Variants in PRF1 observed in about 807,000 individuals in gnomAD.
The protein encoded by PRF1 is perforin 1.
In PRF1, 11 loss-of-function variants were observed where a neutral mutation model predicts 11.7. That is an observed-to-expected ratio of 0.94 (90% CI 0.59 to 1.56). PRF1 has a LOEUF of 1.56. Among genes scored for constraint, PRF1 ranks in the 40% most tolerant of loss-of-function variants. The probability of loss-of-function intolerance (pLI) is 0.00; values close to 1 mark genes in which losing one functional copy is unlikely to be tolerated. For missense variants in PRF1, 729 were observed against 751.0 expected, an observed-to-expected ratio of 0.97 and a Z score of 0.34; for synonymous variants, 314 against 327.8, an observed-to-expected ratio of 0.96 and a Z score of 0.45.
rs1848199256 is a variant in PRF1, at chr10:70,600,189, A to T, written c.539+175T>A. Among the ~76,000 whole-genome samples the T allele has an allele frequency of 6.6e-6, 1 of 152,168 alleles. No homozygotes were observed. Among genetic ancestry groups the T allele is most frequent in the Admixed American group, 6.5e-5 (1 of 15,294 alleles). ...CACTCCCAGATTTGGGACCTCCTGGATGAGAGGAGGCCACAGGGCTGAATC... is the reference window on the plus strand; with the variant it reads ...CACTCCCAGATTTGGGACCTCCTGGTTGAGAGGAGGCCACAGGGCTGAATC... On this transcript the variant is annotated intron_variant, in intron 2 of 2. Coordinates refer to ENST00000441259, the MANE Select transcript of PRF1 (RefSeq NM_001083116.3). The surrounding 1 kb of genome is among the most constrained non-coding windows in gnomAD (Gnocchi z 4.9).
rs34914326 is a variant in PRF1, at chr10:70,597,843, TAA to T, written c.*208_*209del. ...CTAGCACTAACGATAGCCGATGAGCTAAAAAAAAAAAAAAAATAGCAAAAAGA... is the reference window on the plus strand; with the variant it reads ...CTAGCACTAACGATAGCCGATGAGCTAAAAAAAAAAAAAATAGCAAAAAGA... On this transcript the variant is annotated 3_prime_UTR_variant, in exon 3 of 3. Transcript: ENST00000441259. 0.078 allele frequency: 44,341 copies of T among 570,000 alleles called. 352 individuals are homozygous for T. Among genetic ancestry groups the T allele is most frequent in the African/African-American group, 0.15 (7,313 of 50,016 alleles). 35.3% of individuals were successfully genotyped at this position (570,000 alleles called of 1,614,324 possible). A position where few individuals can be genotyped will look rare whatever the true frequency, so the allele number is the denominator to read the frequency against.
In PRF1 at chr10:70,597,955, G is replaced by T. The variant is rs1398390145; in HGVS notation, c.*98C>A. ...TGGGCCGCATGCGGGCCTCGGGTTG[G>T]ACAAGCTTGGTCTAATGGGAATACG... On this transcript the variant is annotated 3_prime_UTR_variant, in exon 3 of 3. Transcript: ENST00000441259. 3 of 1,515,792 alleles carry T rather than the reference G, an allele frequency of 2.0e-6. No individual in the cohort carries two copies. Among genetic ancestry groups the T allele is most frequent in the African/African-American group, 2.8e-5 (2 of 72,644 alleles). The allele number at this position is 1,515,792 out of a possible 1,614,324, so 93.9% of individuals were successfully genotyped here.
Position 70,599,052 on chromosome 10 carries a change from G to A in PRF1, c.669C>T (p.Phe223=). The A allele has an allele frequency of 6.2e-7, 1 of 1,613,556 alleles. No individual in the cohort carries two copies. Among genetic ancestry groups the A allele is most frequent in the South Asian group, 1.1e-5 (1 of 91,068 alleles). ...GGCCACCCAGCTCCACAGCCCGGAT[G>A]AAGTGGGTGCCGTAGTTGGAGATAA... The part of the protein sequence containing the change: ...LRLISNYGTH[F]IRAVELGGRI... The change falls in exon 3 of 3, where the codon TTC becomes TTT. Residue 223 remains phenylalanine, a synonymous_variant. Coordinates refer to ENST00000441259, the MANE Select transcript of PRF1 (RefSeq NM_001083116.3).
intron 2 of PRF1, among the ~76,000 whole-genome samples, chr10:70,599,471 C>A (rs192240722): frequency 7.9e-5 from 12 of 152,222 alleles, no homozygotes; most frequent in African/African-American, 2.9e-4. Context: ...TGATCCTGGC[C>A]GGGAGCAGTG....
At position 70,597,898 on chromosome 10, in the gene PRF1, G is replaced by A. The variant is rs933988511; in HGVS notation, c.*155C>T. ...CTCATAATGTTTTAAGAAAGTTTGC[G>A]AATTTGCGTTGGGCCGCATTCAAAG... On this transcript the variant is annotated 3_prime_UTR_variant, in exon 3 of 3. Coordinates refer to ENST00000441259, the MANE Select transcript of PRF1 (RefSeq NM_001083116.3). 33 of 891,912 alleles carry A rather than the reference G, an allele frequency of 3.7e-5. No individual in the cohort carries two copies. Among genetic ancestry groups the A allele is most frequent in the Non-Finnish European group, 5.0e-5 (29 of 583,252 alleles). The allele number at this position is 891,912 out of a possible 1,614,324, so 55.2% of individuals were successfully genotyped here. A position where few individuals can be genotyped will look rare whatever the true frequency, so the allele number is the denominator to read the frequency against.
chr10:70,600,548 G>A lies in PRF1; in HGVS notation c.355C>T (p.Arg119Trp), dbSNP rs749110507. 13 of 1,613,980 alleles carry A rather than the reference G, an allele frequency of 8.1e-6. No individual in the cohort carries two copies. The highest frequency in any genetic ancestry group is 1.1e-5 in the South Asian group (1 of 91,088). ...AKVSSTEAVA[R>W]DAARSIRNDW... Reference sequence around the variant, plus strand: ...TTGCGGATGCTACGAGCCGCATCCCGGGCCACAGCTTCAGTGGAGCTGACT... The same window carrying A: ...TTGCGGATGCTACGAGCCGCATCCCAGGCCACAGCTTCAGTGGAGCTGACT... The change falls in exon 2 of 3, where the codon CGG becomes TGG. Residue 119 changes from arginine (R) to tryptophan (W), a missense_variant. Physicochemically the swap from Arg to Trp is moderately radical, Grantham distance 101. Transcript: ENST00000441259. This position sits in a 1 kb window ranked among gnomAD's most constrained non-coding sequence, Gnocchi z 4.9.
rs12263464 is a variant in PRF1 at position 70,600,342 on chromosome 10, C to T, written c.539+22G>A. 5 of 1,613,744 alleles carry T rather than the reference C, an allele frequency of 3.1e-6. No individual in the cohort carries two copies. Among genetic ancestry groups the T allele is most frequent in the Admixed American group, 1.7e-5 (1 of 59,990 alleles). ...GTTTCCCGCGCCTTTTCCAGCCCCC[C>T]ACCCCTAGCCCCAGCTCTCACCTGT... is the stretch of plus-strand genomic sequence containing the variant. On this transcript the variant is annotated intron_variant, in intron 2 of 2. Coordinates refer to ENST00000441259, the MANE Select transcript of PRF1 (RefSeq NM_001083116.3). The surrounding 1 kb of genome is among the most constrained non-coding windows in gnomAD (Gnocchi z 4.9).
In PRF1 at chr10:70,597,782, GGAA is replaced by G. The variant is rs1175460794; in HGVS notation, c.*268_*270del. 2.2e-5 allele frequency: 13 copies of G among 601,098 alleles called. No homozygotes were observed. The highest frequency in any genetic ancestry group is 3.5e-5 in the Non-Finnish European group (12 of 339,666). The allele number at this position is 601,098 out of a possible 1,614,324, so 37.2% of individuals were successfully genotyped here. A position where few individuals can be genotyped will look rare whatever the true frequency, so the allele number is the denominator to read the frequency against. On this transcript the variant is annotated 3_prime_UTR_variant, in exon 3 of 3. Coordinates refer to ENST00000441259, the MANE Select transcript of PRF1 (RefSeq NM_001083116.3). ...TCTTTTGGCTTCTCTGGGCCACGTT[GGAA>G]GAAGAATTGTGTTGGGCCACATGTA...
At position 70,598,092 on chromosome 10, in the gene PRF1, C is replaced by T. The variant is rs767848717; in HGVS notation, c.1629G>A (p.Leu543=). 11 of 1,614,064 alleles carry T rather than the reference C, an allele frequency of 6.8e-6. No homozygotes were observed. The highest frequency in any genetic ancestry group is 8.5e-6 in the Non-Finnish European group (10 of 1,180,038). ...CACTCCGGTTTCCTGGAGGCTCCCCCAGAAGCATTTGGGGGACATAGTCCA... is the reference window on the plus strand; with the variant it reads ...CACTCCGGTTTCCTGGAGGCTCCCCTAGAAGCATTTGGGGGACATAGTCCA... The part of the protein sequence containing the change: ...TCLDYVPQML[L]GEPPGNRSGA... The change falls in exon 3 of 3, where the codon CTG becomes CTA. Residue 543 remains leucine (L), a synonymous_variant. Coordinates refer to ENST00000441259, the MANE Select transcript of PRF1 (RefSeq NM_001083116.3).
rs12263464 is a variant in PRF1, at chr10:70,600,342, C to A, written c.539+22G>T. The A allele has an allele frequency of 2.2e-5, 35 of 1,613,744 alleles. No homozygotes were observed. Among genetic ancestry groups the A allele is most frequent in the South Asian group, 2.2e-5 (2 of 91,048 alleles). On this transcript the variant is annotated intron_variant, in intron 2 of 2. Coordinates refer to ENST00000441259, the MANE Select transcript of PRF1 (RefSeq NM_001083116.3). The surrounding 1 kb of genome is among the most constrained non-coding windows in gnomAD (Gnocchi z 4.9). ...GTTTCCCGCGCCTTTTCCAGCCCCC[C>A]ACCCCTAGCCCCAGCTCTCACCTGT...
rs1589231948 is a variant in PRF1, at chr10:70,598,501, C to A, written c.1220G>T (p.Cys407Phe). The A allele has an allele frequency of 6.2e-7, 1 of 1,613,494 alleles. No homozygotes were observed. The highest frequency in any genetic ancestry group is 2.2e-5 in the East Asian group (1 of 44,862). ...GGCCAGGCCCCTCTGCCGAGGGCAG[C>A]AGTCCTGGGTGGTGACCGCTGAGCC... ...CHGSAVTTQD[C>F]CPRQRGLAQL... is the part of the protein sequence containing the mutation. Residue 407 changes from cysteine to phenylalanine, a missense_variant, in exon 3 of 3, where the codon TGC becomes TTC. Coordinates refer to ENST00000441259, the MANE Select transcript of PRF1 (RefSeq NM_001083116.3).
At position 70,600,887 on chromosome 10, in the gene PRF1, G is replaced by A. The variant is rs1209232100; in HGVS notation, c.16C>T (p.Leu6Phe). 6.9e-6 allele frequency: 11 copies of A among 1,594,434 alleles called. No homozygotes were observed. The African/African-American group carries it at 1.2e-4, about 17-fold the overall frequency. MAARL[L>F]LLGILLLLLP... ...AGCAGGAGAAGGATGCCCAGGAGGA[G>A]CAGACGGGCTGCCATGGAGCTGCAG... is the stretch of plus-strand genomic sequence containing the variant. Residue 6 changes from leucine (L) to phenylalanine (F), a missense_variant, in exon 2 of 3, where the codon CTC (leucine) becomes TTC (phenylalanine). Leu to Phe is a conservative substitution (Grantham distance 22). Transcript: ENST00000441259. The surrounding 1 kb of genome is among the most constrained non-coding windows in gnomAD (Gnocchi z 4.9).
chr10:70,598,120 C>T lies in PRF1; in HGVS notation c.1601G>A (p.Cys534Tyr). Reference protein sequence around the residue: ...RCLPHLGGGTCLDYVPQMLLG... With the variant: ...RCLPHLGGGTYLDYVPQMLLG... The stretch of plus-strand genomic sequence containing the variant: ...AAGCATTTGGGGGACATAGTCCAGG[C>T]AGGTGCCTCCTCCCAGGTGGGGCAA... The change falls in exon 3 of 3, where the codon TGC (cysteine) becomes TAC (tyrosine). Residue 534 changes from cysteine to tyrosine, a missense_variant. By Grantham distance (194) the Cys-to-Tyr change is radical. Coordinates refer to ENST00000441259, the MANE Select transcript of PRF1 (RefSeq NM_001083116.3). The T allele has an allele frequency of 1.2e-6, 2 of 1,614,160 alleles. No homozygotes were observed. Among genetic ancestry groups the T allele is most frequent in the Non-Finnish European group, 8.5e-7 (1 of 1,180,030 alleles).
intron 2 of PRF1, among the ~76,000 whole-genome samples, 163 bp from the exon 3 acceptor site, chr10:70,599,344 A>G (rs1046409939): frequency 6.6e-6 from 1 of 152,220 alleles, no homozygotes; most frequent in African/African-American, 2.4e-5. Flanking sequence ...CGGGGCTGGC[A>G]GGAATGCCTC....
chr10:70,600,756 G>T lies in PRF1; in HGVS notation c.147C>A (p.Asp49Glu), dbSNP rs761310644. ...PGAWLAGEGV[D>E]VTSLRRSGSF... ...AGCCCGAGCGGCGGAGGCTGGTCAC[G>T]TCCACACCCTCCCCGGCCAGCCATG... Residue 49 changes from aspartate (D) to glutamate (E), a missense_variant, in exon 2 of 3, where the codon GAC (aspartate) becomes GAA (glutamate). Coordinates refer to ENST00000441259, the MANE Select transcript of PRF1 (RefSeq NM_001083116.3). This position sits in a 1 kb window ranked among gnomAD's most constrained non-coding sequence, Gnocchi z 4.9. The T allele has an allele frequency of 6.2e-7, 1 of 1,612,320 alleles. No individual in the cohort carries two copies. The highest frequency in any genetic ancestry group is 1.1e-5 in the South Asian group (1 of 90,920).
At chr10:70,601,006 G>T (rs888021814) in intron 1 of PRF1, 74 bp from the exon 2 acceptor site, 1 of 1,511,806 alleles carries the variant, frequency 6.6e-7, no homozygotes, top group Non-Finnish European at 8.8e-7. Context: ...CAGGGCACAT[G>T]GAAGGGGAGG....
At position 70,599,149 on chromosome 10, in the gene PRF1, G is replaced by T. The variant is rs778604519; in HGVS notation, c.572C>A (p.Pro191His). 19 of 1,614,198 alleles carry T rather than the reference G, an allele frequency of 1.2e-5. No homozygotes were observed. Among genetic ancestry groups the T allele is most frequent in the Non-Finnish European group, 1.6e-5 (19 of 1,180,036 alleles). The change falls in exon 3 of 3, where the codon CCT (proline) becomes CAT (histidine). Residue 191 changes from proline to histidine, a missense_variant. Transcript: ENST00000441259. Reference sequence around the variant, plus strand: ...GTCCCCGAGGGCCCTCTTGAAGTCAGGGTGCAGCGGGGGAGTGTGTACCAC... The same window carrying T: ...GTCCCCGAGGGCCCTCTTGAAGTCATGGTGCAGCGGGGGAGTGTGTACCAC... ...FHVVHTPPLH[P>H]DFKRALGDLP...
Position 70,597,961 on chromosome 10 carries a change from C to T in PRF1, c.*92G>A. 2.6e-6 allele frequency: 4 copies of T among 1,541,300 alleles called. No homozygotes were observed. Among genetic ancestry groups the T allele is most frequent in the Non-Finnish European group, 2.6e-6 (3 of 1,134,164 alleles). On this transcript the variant is annotated 3_prime_UTR_variant, in exon 3 of 3. Coordinates refer to ENST00000441259, the MANE Select transcript of PRF1 (RefSeq NM_001083116.3). Reference sequence around the variant, plus strand: ...GCATGCGGGCCTCGGGTTGGACAAGCTTGGTCTAATGGGAATACGAAGACA... The same window carrying T: ...GCATGCGGGCCTCGGGTTGGACAAGTTTGGTCTAATGGGAATACGAAGACA...
In PRF1 at chr10:70,598,629, CAG is replaced by C. The variant is rs771552960; in HGVS notation, c.1090_1091del (p.Leu364GlufsTer93). On this transcript the variant is annotated frameshift_variant, in exon 3 of 3. Coordinates refer to ENST00000441259, the MANE Select transcript of PRF1 (RefSeq NM_001083116.3). LOFTEE classifies it low-confidence loss of function (END_TRUNC). ...GAGCCCTGTCCGTCAGGTACTGACT[CAG>C]GGCCCTCCTCAGTGCCTCCCGCCGC... Reference protein sequence around the residue: ...DPRREALRRALSQYLTDRARW... With the variant: ...DPRREALRRAXSQYLTDRARW... 22 of 1,613,164 alleles carry C rather than the reference CAG, an allele frequency of 1.4e-5. No homozygotes were observed. In the East Asian group the frequency reaches 4.7e-4, roughly 34 times the overall value.
Sources: gnomAD v4.1 joint callset for allele counts (sites outside exome capture counted in the v4.1 genomes callset) on GRCh38, gnomAD v4.1.1 for gene constraint, Gnocchi (gnomAD v3.1) non-coding constraint, MANE v1.5 for transcripts, NCBI Gene and HGNC (gene_info 2026-07-23, HGNC 2026-07-21) for gene names.